CCDC30: variants seen among roughly 807,000 people sequenced by gnomAD.
CCDC30 encodes coiled-coil domain-containing protein 30.
A neutral mutation model predicts 100.2 loss-of-function variants in CCDC30; 70 were observed. The observed-to-expected ratio is 0.70, with a 90% CI of 0.58 to 0.85. CCDC30 has a LOEUF of 0.85. CCDC30 is among the 40% of genes least tolerant of loss of function. The pLI, the probability that CCDC30 is intolerant of heterozygous loss-of-function variation, is 0.00. For synonymous variants in CCDC30, 233 were observed against 269.5 expected (o/e 0.86, Z 1.33); for missense variants, 652 against 771.2 (o/e 0.85, Z 1.83).
chr1:42,507,370 C>T (rs537890668), intron 6 of CCDC30, among the ~76,000 whole-genome samples: 6 of 152,270 alleles, frequency 3.9e-5, no homozygotes, highest in African/African-American at 1.2e-4. Context: ...GCTTTTATTT[C>T]AATGCTCAAT....
intron 1 of CCDC30, 172 bp downstream of exon 1, chr1:42,464,070 C>G (rs1312335532): frequency 6.6e-6 from 1 of 152,246 alleles, no homozygotes; most frequent in Non-Finnish European, 1.5e-5. Context: ...TAGACCACCT[C>G]CTTCTGCTTT....
At chr1:42,642,056 T>G (rs1470773360) in intron 12 of CCDC30, among the ~76,000 whole-genome samples, 2 of 151,902 alleles carry the variant, frequency 1.3e-5, no homozygotes, top group African/African-American at 2.4e-5. Context: ...AAACCCCATC[T>G]CTACTAAAAA....
At chr1:42,648,259 C>G (rs1648049883) in intron 15 of CCDC30, among the ~76,000 whole-genome samples, 2 of 152,058 alleles carry the variant, frequency 1.3e-5, no homozygotes, top group Non-Finnish European at 2.9e-5. Context: ...AAGTTTATAA[C>G]AACAAACACC....
At position 42,589,394 on chromosome 1, in the gene CCDC30, G is replaced by A. The variant is rs772675369; in HGVS notation, c.1075G>A (p.Glu359Lys). ...CTTACAAGATAAAGAAAATCTACTG[G>A]AAATGACCTGTTCTCAGCAACAATC... Residue 359 changes from glutamate (E) to lysine (K), a missense_variant, in exon 10 of 17, where the codon GAA becomes AAA. Coordinates refer to ENST00000668663, the Ensembl canonical transcript of CCDC30. 1.2e-5 allele frequency: 19 copies of A among 1,613,580 alleles called. No individual in the cohort carries two copies. The East Asian group carries it at 4.0e-4, about 34-fold the overall frequency.
At chr1:42,580,754 T>A (rs777834601) in intron 8 of CCDC30, 3 of 435,698 alleles carry the variant, frequency 6.9e-6, no homozygotes, top group African/African-American at 4.1e-5. Context: ...TCCCAGAGCA[T>A]TAAAAAACCT....
exon 17 of CCDC30, chr1:42,653,954 G>C (rs781326645): frequency 6.2e-7 from 1 of 1,614,114 alleles, no homozygotes; most frequent in South Asian, 1.1e-5. Flanking sequence ...GAATTCTGAG[G>C]CTGGATACAT....
intron 15 of CCDC30, 116 bp from the exon 20 acceptor site, chr1:42,653,260 C>A: frequency 2.0e-6 from 1 of 498,768 alleles, no homozygotes; most frequent in East Asian, 3.5e-5. Flanking sequence ...TTATGTTTTT[C>A]ATTGTTTGTA....
chr1:42,506,902 A>G (rs1044060310), intron 6 of CCDC30, among the ~76,000 whole-genome samples: 1 of 152,226 alleles, frequency 6.6e-6, no homozygotes, highest in African/African-American at 2.4e-5. Flanking sequence ...TTCAAAGCCA[A>G]AATTTATCCT....
At chr1:42,470,862 A>T (rs957774862) in intron 1 of CCDC30, among the ~76,000 whole-genome samples, 3 of 152,204 alleles carry the variant, frequency 2.0e-5, no homozygotes, top group Non-Finnish European at 4.4e-5. Flanking sequence ...ATAATGAAAA[A>T]TTTCTGGAAA....
At chr1:42,509,142 T>C (rs1409244940) in intron 6 of CCDC30, among the ~76,000 whole-genome samples, 1 of 152,168 alleles carries the variant, frequency 6.6e-6, no homozygotes, top group Non-Finnish European at 1.5e-5. Context: ...ACTGAGACAG[T>C]GAAAGAGTTT....
intron 10 of CCDC30, chr1:42,593,958 G>A (rs1455676882): frequency 1.3e-5 from 2 of 152,160 alleles, no homozygotes; most frequent in African/African-American, 4.8e-5. Flanking sequence ...GTGGGGTCAT[G>A]TTGAGTTCTA....
At chr1:42,542,539 C>CTTTCTTTTTTTT (rs1645032368) in intron 6 of CCDC30, among the ~76,000 whole-genome samples, 1 of 75,562 alleles carries the variant, frequency 1.3e-5, no homozygotes, top group Non-Finnish European at 2.6e-5. Context: ...TTAAATTTTT[C>CTTTCTTTTTTTT]TTTTTTTTTT....
At chr1:42,583,563 A>G (rs780348165) in intron 9 of CCDC30, among the ~76,000 whole-genome samples, 18 of 152,222 alleles carry the variant, frequency 1.2e-4, no homozygotes, top group Non-Finnish European at 2.4e-4. Context: ...TTTTAATGAT[A>G]TGTCACATTT....
rs141508423 is a variant in CCDC30 at position 42,575,611 on chromosome 1, C to T, written c.637-1409C>T. Among the ~76,000 whole-genome samples the T allele has an allele frequency of 7.6e-3, 948 of 124,954 alleles. 8 individuals carry two copies. The highest frequency in any genetic ancestry group is 0.028 in the African/African-American group (885 of 32,128). 82.0% of individuals were successfully genotyped at this position (124,954 alleles called of 152,430 possible). A position where few individuals can be genotyped will look rare whatever the true frequency, so the allele number is the denominator to read the frequency against. ...CTTGCAGTGAGCAGAGATTGTGCTA[C>T]TGCACTCCAGCCTGGGCGACAGAGA... On this transcript the variant is annotated intron_variant, in intron 7 of 16. Transcript: ENST00000668663.
intron 5 of CCDC30, among the ~76,000 whole-genome samples, chr1:42,497,922 G>A (rs72952293): frequency 6.6e-6 from 1 of 152,220 alleles, no homozygotes; most frequent in South Asian, 2.1e-4. Flanking sequence ...TCCACTTCTG[G>A]ATATATGCCC....
intron 1 of CCDC30, among the ~76,000 whole-genome samples, chr1:42,464,999 A>G (rs1557783636): frequency 6.6e-6 from 1 of 152,250 alleles, no homozygotes; most frequent in Admixed American, 6.5e-5. Flanking sequence ...TTGGAACTGG[A>G]TAAAACCTAA....
chr1:42,504,146 C>T (rs1275558417), intron 6 of CCDC30, among the ~76,000 whole-genome samples: 1 of 152,236 alleles, frequency 6.6e-6, no homozygotes, highest in Non-Finnish European at 1.5e-5. Flanking sequence ...GGAGCATGTC[C>T]TTAAGGCACA....
rs962882415 is a variant in CCDC30, at chr1:42,505,115, G to C, written c.456+6199G>C. 2.0e-5 allele frequency among the ~76,000 whole-genome samples: 3 copies of C among 152,312 alleles called. 1 individual carries two copies. The highest frequency in any genetic ancestry group is 6.8e-3 in the Middle Eastern group (2 of 294). On this transcript the variant is annotated intron_variant, in intron 6 of 16. Coordinates refer to ENST00000668663, the Ensembl canonical transcript of CCDC30. ...AGTGTGTGTAGCGATTCCCACAAGG[G>C]TGGTGTAGTAGATCATTTCCATCTA...
intron 10 of CCDC30, chr1:42,593,737 A>T (rs1646232096): frequency 6.6e-6 from 1 of 152,642 alleles, no homozygotes; most frequent in African/African-American, 2.4e-5. Context: ...TTTTAGGAGC[A>T]GCGTGCCAGG....
Sources: gnomAD v4.1 joint callset for allele counts (sites outside exome capture counted in the v4.1 genomes callset) on GRCh38, gnomAD v4.1.1 for gene constraint, MANE v1.5 for transcripts, NCBI Gene and HGNC (gene_info 2026-07-23, HGNC 2026-07-21) for gene names.